Variants in MGST2 observed in about 807,000 individuals in gnomAD.
The protein encoded by MGST2 is microsomal glutathione S-transferase 2.
Under a neutral mutation model 16.6 loss-of-function variants are expected in MGST2, and 9 were observed. That is an observed-to-expected ratio of 0.54 (90% confidence interval 0.33 to 0.95). MGST2 has a LOEUF of 0.95. Among genes scored for constraint, MGST2 ranks in the 40% least tolerant of loss-of-function variants. The pLI is 0.03. For synonymous variants in MGST2, 79 were observed against 68.0 expected (o/e 1.16, Z -0.79); for missense variants, 159 against 175.1 (o/e 0.91, Z 0.52).
intron 5 of MGST2, among the ~76,000 whole-genome samples, chr4:139,739,188 G>A (rs1729067949): frequency 6.6e-6 from 1 of 152,158 alleles, no homozygotes; most frequent in African/African-American, 2.4e-5. Flanking sequence ...CAAAATGATG[G>A]CCCTATAATG....
At chr4:139,719,545 T>A (rs1369066911) in intron 5 of MGST2, 3 of 1,613,752 alleles carry the variant, frequency 1.9e-6, no homozygotes, top group Non-Finnish European at 2.5e-6. Context: ...GCTGCTGTGC[T>A]GGGGGCTGGC....
At chr4:139,681,913 G>C (rs1303378704) in intron 2 of MGST2, among the ~76,000 whole-genome samples, 1 of 152,116 alleles carries the variant, frequency 6.6e-6, no homozygotes, top group East Asian at 1.9e-4. Flanking sequence ...AATATAAGCT[G>C]GGCATAGTAG....
At chr4:139,685,914 T>C (rs1731535949) in intron 2 of MGST2, among the ~76,000 whole-genome samples, 1 of 152,210 alleles carries the variant, frequency 6.6e-6, no homozygotes, top group African/African-American at 2.4e-5. Flanking sequence ...TCCACCCTCC[T>C]TGGCCTCCCA....
At chr4:139,668,720 G>A (rs1015545848) in intron 1 of MGST2, among the ~76,000 whole-genome samples, 1 of 152,060 alleles carries the variant, frequency 6.6e-6, no homozygotes, top group African/African-American at 2.4e-5. Flanking sequence ...TAATGCCAGA[G>A]CCCGCCATTG....
chr4:139,745,827 C>T, the MGST2 span, among the ~76,000 whole-genome samples: 2 of 152,168 alleles, frequency 1.3e-5, no homozygotes, highest in Admixed American at 1.3e-4. Flanking sequence ...TAGGTATATA[C>T]TGTGAATATT....
At chr4:139,730,063 T>A (rs554128991) in intron 5 of MGST2, among the ~76,000 whole-genome samples, 2 of 152,238 alleles carry the variant, frequency 1.3e-5, no homozygotes, top group African/African-American at 2.4e-5. Context: ...GCTAGAAATA[T>A]TACGGCTTAT....
chr4:139,739,860 T>C (rs1729099870), intron 5 of MGST2, among the ~76,000 whole-genome samples: 1 of 152,088 alleles, frequency 6.6e-6, no homozygotes, highest in Non-Finnish European at 1.5e-5. Context: ...AGTATTATTT[T>C]TAAAAGCTTG....
chr4:139,739,125 A>C lies in MGST2; in HGVS notation c.*49-1087A>C, dbSNP rs1729065360. On this transcript the variant is annotated intron_variant, in intron 5 of 5. Coordinates refer to the MGST2 transcript ENST00000616265. ...CAGATTTACTGAACTCAACTGACTA[A>C]TTGGCTGGGATGAATTCTAGCCTAA... Among the ~76,000 whole-genome samples the C allele has an allele frequency of 2.6e-5, 4 of 152,216 alleles. 1 individual carries two copies.
At chr4:139,708,821 G>T (rs1054093951), downstream of MGST2, among the ~76,000 whole-genome samples, 4 of 151,892 alleles carry the variant, frequency 2.6e-5, no homozygotes, top group African/African-American at 9.7e-5. Flanking sequence ...TGACCAACAT[G>T]AAGAAATCCC....
chr4:139,731,435 T>TTAAAAAAAAA (rs1491282159), intron 5 of MGST2: 2 of 38,718 alleles, frequency 5.2e-5, no homozygotes, highest in African/African-American at 1.6e-4. Context: ...CTGTCTCTAC[T>TTAAAAAAAAA]AAAAAAAAAA....
At chr4:139,732,471 CTT>C (rs958733348) in intron 5 of MGST2, among the ~76,000 whole-genome samples, 1 of 152,192 alleles carries the variant, frequency 6.6e-6, no homozygotes, top group Non-Finnish European at 1.5e-5. Context: ...CGCTACTCCT[CTT>C]ACCCTAGAAA....
At chr4:139,678,250 A>G (rs975664760) in intron 1 of MGST2, among the ~76,000 whole-genome samples, 3 of 152,220 alleles carry the variant, frequency 2.0e-5, no homozygotes, top group African/African-American at 7.2e-5. Context: ...TCTTAGGGAA[A>G]TACCTATGAA....
intron 5 of MGST2, chr4:139,717,635 A>C (rs1037329133): frequency 6.6e-6 from 1 of 152,662 alleles, no homozygotes; most frequent in African/African-American, 2.4e-5. Flanking sequence ...CTCTGCCCCC[A>C]GCTTTCCATG....
chr4:139,675,626 G>A (rs375841706), intron 1 of MGST2, among the ~76,000 whole-genome samples: 3 of 152,184 alleles, frequency 2.0e-5, no homozygotes, highest in Non-Finnish European at 2.9e-5. Context: ...AGAATTTACC[G>A]ACAACAATAT....
intron 5 of MGST2, chr4:139,731,075 C>T: frequency 5.6e-6 from 1 of 179,020 alleles, no homozygotes; most frequent in Non-Finnish European, 1.2e-5. Context: ...TTACTGTCTA[C>T]TTGGCCAAAA....
At chr4:139,744,075 C>A (rs899051237), downstream of MGST2, among the ~76,000 whole-genome samples, 1 of 152,152 alleles carries the variant, frequency 6.6e-6, no homozygotes, top group Admixed American at 6.5e-5. Flanking sequence ...CAAATATATC[C>A]TGTAGTCAGA....
the MGST2 span, among the ~76,000 whole-genome samples, chr4:139,752,618 C>T: frequency 2.6e-5 from 4 of 152,176 alleles, no homozygotes; most frequent in South Asian, 2.1e-4. Context: ...GGCACAAATA[C>T]ATTCTGTATT....
At chr4:139,675,840 C>T (rs756373955) in intron 1 of MGST2, among the ~76,000 whole-genome samples, 21 of 152,194 alleles carry the variant, frequency 1.4e-4, no homozygotes, top group South Asian at 2.1e-4. Flanking sequence ...ATTTTGGTGT[C>T]GTAATGTCAG....
intron 1 of MGST2, among the ~76,000 whole-genome samples, chr4:139,677,917 A>G (rs1579295133): frequency 1.3e-5 from 2 of 152,160 alleles, no homozygotes; most frequent in Admixed American, 1.3e-4. Context: ...CTTTGTAGCT[A>G]TCTTATTTAG....
Sources: gnomAD v4.1 joint callset for allele counts (sites outside exome capture counted in the v4.1 genomes callset) on GRCh38, gnomAD v4.1.1 for gene constraint, MANE v1.5 for transcripts, NCBI Gene and HGNC (gene_info 2026-07-23, HGNC 2026-07-21) for gene names.